Variants in DSCAM observed in about 807,000 individuals in gnomAD.
DSCAM encodes cell adhesion molecule DSCAM.
DSCAM carries 47 observed loss-of-function variants against 217.7 expected under a neutral mutation model. That is an observed-to-expected ratio of 0.22 (90% CI 0.17 to 0.28). The LOEUF (loss-of-function observed/expected upper bound fraction) is 0.28, where lower values mean the gene tolerates loss of function less well. Ranked by LOEUF, DSCAM falls within the 10% of genes least tolerant of loss-of-function variation. The probability of loss-of-function intolerance (pLI) is 1.00; values close to 1 mark genes in which losing one functional copy is unlikely to be tolerated. For missense variants in DSCAM, 2,080 were observed against 2,618.3 expected, an observed-to-expected ratio of 0.79 and a Z score of 4.49; for synonymous variants, 1,056 against 1,015.3, an observed-to-expected ratio of 1.04 and a Z score of -0.76.
intron 1 of DSCAM, among the ~76,000 whole-genome samples, chr21:40,843,717 G>A (rs955015895): frequency 2.6e-5 from 4 of 151,100 alleles, no homozygotes; most frequent in African/African-American, 4.9e-5. Flanking sequence ...TTTAAAACAC[G>A]ATACTGCACC....
At chr21:40,110,158 G>A (rs560365331) in intron 20 of DSCAM, among the ~76,000 whole-genome samples, 1 of 152,296 alleles carries the variant, frequency 6.6e-6, no homozygotes, top group South Asian at 2.1e-4. Context: ...CTAACTGGGA[G>A]GCACCCACCA....
At chr21:40,793,234 A>C (rs1375579419) in intron 1 of DSCAM, among the ~76,000 whole-genome samples, 1 of 152,202 alleles carries the variant, frequency 6.6e-6, no homozygotes, top group African/African-American at 2.4e-5. Flanking sequence ...CCACGTGCCA[A>C]GAAGTGGCTG....
At chr21:40,411,426 T>C (rs977539687) in intron 3 of DSCAM, among the ~76,000 whole-genome samples, 15 of 152,096 alleles carry the variant, frequency 9.9e-5, no homozygotes, top group Admixed American at 6.6e-5. Context: ...AAACCCAACA[T>C]TGTCAATAAT....
At chr21:40,213,097 G>A (rs910744867) in intron 11 of DSCAM, among the ~76,000 whole-genome samples, 3 of 152,176 alleles carry the variant, frequency 2.0e-5, no homozygotes, top group Non-Finnish European at 4.4e-5. Flanking sequence ...ACTCCATCGT[G>A]GTCATTTTGC....
intron 10 of DSCAM, among the ~76,000 whole-genome samples, chr21:40,289,051 T>G (rs2073860776): frequency 6.6e-6 from 1 of 152,210 alleles, no homozygotes; most frequent in South Asian, 2.1e-4. Flanking sequence ...CAATAGAATT[T>G]CATATTTGAA....
chr21:40,390,168 G>A (rs1443551714), intron 3 of DSCAM, among the ~76,000 whole-genome samples: 1 of 152,204 alleles, frequency 6.6e-6, no homozygotes, highest in Non-Finnish European at 1.5e-5. Flanking sequence ...CCAGTTGCAT[G>A]TGCAGTGGTA....
chr21:40,310,554 G>A (rs774296477), intron 9 of DSCAM, among the ~76,000 whole-genome samples: 2 of 152,200 alleles, frequency 1.3e-5, no homozygotes, highest in Non-Finnish European at 2.9e-5. Context: ...AAATAGCTAG[G>A]CTCATTTTCA....
In DSCAM at chr21:40,087,332, G is replaced by A. The variant is rs757392024; in HGVS notation, c.3851-45C>T. 1.1e-5 allele frequency: 17 copies of A among 1,483,962 alleles called. No individual in the cohort carries two copies. In the South Asian group the frequency reaches 1.9e-4, roughly 17 times the overall value. 91.9% of individuals were successfully genotyped at this position (1,483,962 alleles called of 1,614,324 possible). On this transcript the variant is annotated intron_variant, in intron 21 of 32. Transcript: ENST00000400454. ...GGAATCCTGATTACTCCACAGACGTGTCTACACAGAGGCCAACATGACCTA... is the reference window on the plus strand; with the variant it reads ...GGAATCCTGATTACTCCACAGACGTATCTACACAGAGGCCAACATGACCTA...
intron 1 of DSCAM, among the ~76,000 whole-genome samples, chr21:40,833,599 A>G (rs2837851): frequency 0.12 from 18,927 of 152,266 alleles, 1,237 homozygotes; most frequent in South Asian, 0.24. Context: ...TTAATGACAA[A>G]AGAGGGAACA....
rs145378356 is a variant in DSCAM at position 40,124,538 on chromosome 21, G to A, written c.3563-210C>T. On this transcript the variant is annotated intron_variant, in intron 19 of 32. Transcript: ENST00000400454. Reference sequence around the variant, plus strand: ...TGTAATTGGAGGTAGGGTCTTTACAGAGGTAATCAAGTTAAAATGAGTTTG... The same window carrying A: ...TGTAATTGGAGGTAGGGTCTTTACAAAGGTAATCAAGTTAAAATGAGTTTG... 9.7e-4 allele frequency among the ~76,000 whole-genome samples: 147 copies of A among 152,268 alleles called. 1 individual carries two copies. The highest frequency in any genetic ancestry group is 3.2e-3 in the African/African-American group (134 of 41,568).
intron 15 of DSCAM, among the ~76,000 whole-genome samples, chr21:40,170,043 A>G (rs183816001): frequency 9.9e-5 from 15 of 152,028 alleles, no homozygotes; most frequent in East Asian, 9.7e-4. Context: ...CACCCTAGTA[A>G]TTTTCTGCTC....
chr21:40,385,933 A>G (rs1452847145), intron 3 of DSCAM, among the ~76,000 whole-genome samples: 1 of 152,334 alleles, frequency 6.6e-6, no homozygotes, highest in East Asian at 1.9e-4. Context: ...TCTTTGGCCA[A>G]TGGGATTTTG....
At chr21:40,213,976 A>G (rs2091213383) in intron 11 of DSCAM, among the ~76,000 whole-genome samples, 2 of 152,182 alleles carry the variant, frequency 1.3e-5, no homozygotes, top group South Asian at 2.1e-4. Flanking sequence ...CCACACCTAC[A>G]TGGTGAGGAA....
chr21:40,417,474 A>G (rs570238654), intron 3 of DSCAM, among the ~76,000 whole-genome samples: 2 of 152,366 alleles, frequency 1.3e-5, no homozygotes, highest in South Asian at 4.1e-4. Context: ...AATAGAAAAT[A>G]CATTAGAATC....
intron 2 of DSCAM, among the ~76,000 whole-genome samples, chr21:40,700,351 A>C (rs1250990681): frequency 1.3e-5 from 2 of 152,212 alleles, no homozygotes; most frequent in Non-Finnish European, 2.9e-5. Context: ...GCTTTTTATC[A>C]GATTGAGGAA....
intron 19 of DSCAM, among the ~76,000 whole-genome samples, chr21:40,133,379 G>A (rs2090173635): frequency 6.6e-6 from 1 of 152,108 alleles, no homozygotes; most frequent in Non-Finnish European, 1.5e-5. Flanking sequence ...AAATTAACAT[G>A]AAGTTCTCAA....
intron 3 of DSCAM, among the ~76,000 whole-genome samples, chr21:40,607,318 T>A (rs551935037): frequency 4.7e-4 from 72 of 152,056 alleles, no homozygotes; most frequent in African/African-American, 1.6e-3. Flanking sequence ...AAAGGAATTC[T>A]ACAAAGAACA....
At chr21:40,739,642 C>T (rs2146539903) in intron 1 of DSCAM, among the ~76,000 whole-genome samples, 1 of 152,292 alleles carries the variant, frequency 6.6e-6, no homozygotes, top group South Asian at 2.1e-4. Context: ...AAGACTCTAT[C>T]TCCAAATCCA....
intron 1 of DSCAM, among the ~76,000 whole-genome samples, chr21:40,823,316 C>A (rs2091944599): frequency 6.6e-6 from 1 of 151,644 alleles, no homozygotes; most frequent in Admixed American, 6.6e-5. Flanking sequence ...TTAAGCTGCT[C>A]AACGAAAAAG....
Sources: allele counts gnomAD v4.1 joint callset (sites outside exome capture counted in the v4.1 genomes callset), GRCh38; gene constraint gnomAD v4.1.1; transcripts MANE v1.5; gene names NCBI Gene and HGNC (gene_info 2026-07-23, HGNC 2026-07-21).